COL5A2: variants seen among roughly 807,000 people sequenced by gnomAD.
COL5A2 encodes the protein collagen alpha-2(V) chain.
A neutral mutation model predicts 208.2 loss-of-function variants in COL5A2; 23 were observed. The observed-to-expected ratio is 0.11, with a 90% confidence interval of 0.08 to 0.16. The LOEUF (loss-of-function observed/expected upper bound fraction) is 0.16, where lower values mean the gene tolerates loss of function less well. COL5A2 is among the 10% of genes least tolerant of loss of function. COL5A2 has a pLI of 1.00. For synonymous variants in COL5A2, 625 were observed against 628.5 expected (o/e 0.99, Z 0.08); for missense variants, 1,590 against 1,956.4 (o/e 0.81, Z 3.53).
At chr2:189,103,501 C>A (rs934676450) in intron 3 of COL5A2, among the ~76,000 whole-genome samples, 1 of 152,016 alleles carries the variant, frequency 6.6e-6, no homozygotes, top group Admixed American at 6.6e-5. Flanking sequence ...CTGCCTTGAT[C>A]CCTGTGCCCA....
At chr2:189,194,168 C>T (rs1176253597) in intron 1 of COL5A2, among the ~76,000 whole-genome samples, 2 of 152,098 alleles carry the variant, frequency 1.3e-5, no homozygotes, top group African/African-American at 4.8e-5. Flanking sequence ...TTTAAGAGTA[C>T]AAAGGGCTCC....
At chr2:189,098,982 C>A (rs1686993191) in intron 4 of COL5A2, among the ~76,000 whole-genome samples, 1 of 152,172 alleles carries the variant, frequency 6.6e-6, no homozygotes, top group African/African-American at 2.4e-5. Context: ...AGCACCAACA[C>A]TGGAGCCAAG....
chr2:189,256,248 A>G, the COL5A2 span, among the ~76,000 whole-genome samples: 1 of 152,194 alleles, frequency 6.6e-6, no homozygotes, highest in South Asian at 2.1e-4. Context: ...TGAGAGCACT[A>G]TCCTTTGAAA....
intron 23 of COL5A2, 117 bp downstream of exon 23, chr2:189,066,272 AC>A: frequency 1.1e-6 from 1 of 942,822 alleles, no homozygotes; most frequent in South Asian, 1.3e-5. Flanking sequence ...ACTGTACTGA[AC>A]TGTGCAGGGA....
intron 17 of COL5A2, among the ~76,000 whole-genome samples, chr2:189,074,489 C>T (rs1686352861): frequency 6.6e-6 from 1 of 152,100 alleles, no homozygotes; most frequent in Non-Finnish European, 1.5e-5. Flanking sequence ...TTTCTCATTC[C>T]ATGTTACATT....
At chr2:189,243,554 A>T in the COL5A2 span, among the ~76,000 whole-genome samples, 5 of 151,940 alleles carry the variant, frequency 3.3e-5, no homozygotes, top group Non-Finnish European at 5.9e-5. Flanking sequence ...TGATTCAACT[A>T]CCTCCCACTG....
At chr2:189,166,916 C>A (rs1293048796) in intron 1 of COL5A2, among the ~76,000 whole-genome samples, 1 of 152,026 alleles carries the variant, frequency 6.6e-6, no homozygotes, top group Non-Finnish European at 1.5e-5. Context: ...GAAAAGAATG[C>A]CAAACAGGTA....
chr2:189,125,417 A>G (rs564251831), intron 1 of COL5A2, among the ~76,000 whole-genome samples: 63 of 152,256 alleles, frequency 4.1e-4, no homozygotes, highest in African/African-American at 1.2e-3. Flanking sequence ...CAGTATTCAC[A>G]TACAGTTGAA....
At chr2:189,273,820 G>GT in the COL5A2 span, among the ~76,000 whole-genome samples, 2 of 152,058 alleles carry the variant, frequency 1.3e-5, no homozygotes, top group African/African-American at 4.8e-5. Flanking sequence ...GAAGCAGAGG[G>GT]TAGAATGATG....
chr2:189,226,095 T>G (rs7587147), upstream of COL5A2, among the ~76,000 whole-genome samples: 90,508 of 152,000 alleles, frequency 0.6, 27,774 homozygotes, highest in East Asian at 0.72. Flanking sequence ...AACACTTCAG[T>G]TATGTCCGGA....
intron 49 of COL5A2, 71 bp from the exon 50 acceptor site, chr2:189,041,764 G>C: frequency 1.0e-6 from 1 of 977,946 alleles, no homozygotes; most frequent in Non-Finnish European, 1.6e-6. Flanking sequence ...TCTAATCAAA[G>C]AACTATTTTA....
rs1352148009 is a variant in COL5A2, at chr2:189,066,422, T to C, written c.1531A>G (p.Thr511Ala). ...CCCACTGGCCCTGGAGGACCAACTG[T>C]TCCTGGGTCACCTCTGGGACCTCTT... ...GKRGPRGDPGTVGPPGPVGER... is the reference protein window; with the variant it reads ...GKRGPRGDPGAVGPPGPVGER... The change falls in exon 23 of 54, where the codon ACA (threonine) becomes GCA (alanine). Residue 511 changes from threonine to alanine, a missense_variant. Coordinates refer to ENST00000374866, the MANE Select transcript of COL5A2 (RefSeq NM_000393.5). 1 of 1,614,208 alleles carries C rather than the reference T, an allele frequency of 6.2e-7. No individual in the cohort carries two copies. Among genetic ancestry groups the C allele is most frequent in the Admixed American group, 1.7e-5 (1 of 60,028 alleles).
At chr2:189,054,791 T>C (rs7602447) in intron 35 of COL5A2, among the ~76,000 whole-genome samples, 106,571 of 150,130 alleles carry the variant, frequency 0.71, 38,905 homozygotes, top group Non-Finnish European at 0.81. Flanking sequence ...CATGCATCTT[T>C]GAACGCTTGC....
chr2:189,247,932 T>C, the COL5A2 span, among the ~76,000 whole-genome samples: 1 of 152,186 alleles, frequency 6.6e-6, no homozygotes, highest in East Asian at 1.9e-4. Flanking sequence ...ACTCAATGTA[T>C]TAAACAATGA....
intron 1 of COL5A2, among the ~76,000 whole-genome samples, chr2:189,189,086 C>A (rs1025564658): frequency 4.6e-5 from 7 of 152,134 alleles, no homozygotes; most frequent in African/African-American, 1.4e-4. Flanking sequence ...TTATATAAAT[C>A]TGCCATTTTA....
the COL5A2 span, among the ~76,000 whole-genome samples, chr2:189,264,696 C>T: frequency 6.6e-6 from 1 of 151,864 alleles, no homozygotes; most frequent in East Asian, 1.9e-4. Context: ...TCCTTGGACT[C>T]ATAAAAAGCA....
rs760507076 is a variant in COL5A2 at position 189,033,025 on chromosome 2, G to C, written c.*1045C>G. The C allele has an allele frequency of 2.6e-5, 4 of 152,614 alleles. No individual in the cohort carries two copies. The highest frequency in any genetic ancestry group is 1.3e-4 in the Admixed American group (2 of 15,276). 9.5% of individuals were successfully genotyped at this position (152,614 alleles called of 1,614,324 possible). A position where few individuals can be genotyped will look rare whatever the true frequency, so the allele number is the denominator to read the frequency against. On this transcript the variant is annotated 3_prime_UTR_variant, in exon 54 of 54. Transcript: ENST00000374866. ...AGCTTCTAGAGATGAGGTAGCTCAT[G>C]CTAAGAAATGTTGGGTCATTTTTCC...
intron 1 of COL5A2, chr2:189,133,058 A>T (rs947475014): frequency 1.1e-4 from 17 of 151,896 alleles, no homozygotes; most frequent in African/African-American, 4.1e-4. Flanking sequence ...CAGTGTAGAG[A>T]TTAGTTTGAA....
the COL5A2 span, among the ~76,000 whole-genome samples, chr2:189,431,329 G>A: frequency 6.6e-6 from 1 of 152,126 alleles, no homozygotes; most frequent in Non-Finnish European, 1.5e-5. Flanking sequence ...GAACAAAGCT[G>A]GACAGAGAAA....
Sources: gnomAD v4.1 joint callset for allele counts (sites outside exome capture counted in the v4.1 genomes callset) on GRCh38, gnomAD v4.1.1 for gene constraint, MANE v1.5 for transcripts, NCBI Gene and HGNC (gene_info 2026-07-23, HGNC 2026-07-21) for gene names.